The following CTNND2 variants were observed in gnomAD, a reference collection of about 807,000 sequenced individuals.
The protein encoded by CTNND2 is catenin delta-2.
In CTNND2, 22 loss-of-function variants were observed where a neutral mutation model predicts 144.4. The observed-to-expected ratio is 0.15, with a 90% CI of 0.11 to 0.22. CTNND2 has a LOEUF of 0.22. Ranked by LOEUF, CTNND2 falls within the 10% of genes least tolerant of loss-of-function variation. The pLI, the probability that CTNND2 is intolerant of heterozygous loss-of-function variation, is 1.00. For synonymous variants in CTNND2, 751 were observed against 695.6 expected, an observed-to-expected ratio of 1.08 and a Z score of -1.25; for missense variants, 1,353 against 1,618.8, an observed-to-expected ratio of 0.84 and a Z score of 2.82.
intron 21 of CTNND2, 22 bp downstream of exon 21, chr5:10,981,751 A>C: frequency 1.9e-6 from 3 of 1,598,044 alleles, no homozygotes; most frequent in Non-Finnish European, 2.6e-6. Flanking sequence ...AAGGAAATAC[A>C]AACGTGTTGC....
At chr5:11,690,551 G>A (rs1784851880) in intron 2 of CTNND2, among the ~76,000 whole-genome samples, 1 of 151,746 alleles carries the variant, frequency 6.6e-6, no homozygotes, top group South Asian at 2.1e-4. Context: ...GGCTAACAAG[G>A]TGAAACCCCG....
At chr5:11,334,161 G>T (rs1318847421) in intron 9 of CTNND2, among the ~76,000 whole-genome samples, 1 of 152,114 alleles carries the variant, frequency 6.6e-6, no homozygotes, top group African/African-American at 2.4e-5. Context: ...GAAGATAAAT[G>T]GCCAGGATTT....
intron 2 of CTNND2, among the ~76,000 whole-genome samples, chr5:11,590,109 G>T (rs545430126): frequency 4.7e-5 from 7 of 150,344 alleles, no homozygotes; most frequent in African/African-American, 1.5e-4. Flanking sequence ...GCAGTGACGC[G>T]ATCTAAGTGC....
intron 3 of CTNND2, among the ~76,000 whole-genome samples, chr5:11,561,773 G>C (rs1214293464): frequency 6.6e-6 from 1 of 152,164 alleles, no homozygotes; most frequent in African/African-American, 2.4e-5. Flanking sequence ...TGGGTACAGT[G>C]GCTCATGCCT....
chr5:11,656,622 C>A (rs752241787), intron 2 of CTNND2, among the ~76,000 whole-genome samples: 2 of 152,090 alleles, frequency 1.3e-5, no homozygotes, highest in African/African-American at 2.4e-5. Context: ...TACTGATCCA[C>A]GAACAGTGGA....
At chr5:11,544,396 A>G (rs80100563) in intron 3 of CTNND2, among the ~76,000 whole-genome samples, 1 of 152,338 alleles carries the variant, frequency 6.6e-6, no homozygotes, top group East Asian at 1.9e-4. Flanking sequence ...GAAGTAATTT[A>G]AAAGGTTAAG....
chr5:11,662,228 TATATGTATATATATAC>T (rs1467506975), intron 2 of CTNND2, among the ~76,000 whole-genome samples: 1 of 139,272 alleles, frequency 7.2e-6, no homozygotes, highest in African/African-American at 2.9e-5. Context: ...TATATGTGTA[TATATGTATATATATAC>T]ATATATGTGT....
chr5:11,632,858 G>A (rs1781485734), intron 2 of CTNND2, among the ~76,000 whole-genome samples: 1 of 152,144 alleles, frequency 6.6e-6, no homozygotes, highest in Non-Finnish European at 1.5e-5. Flanking sequence ...TAGCTGAGAT[G>A]AAGAGCTCAC....
At chr5:11,365,771 A>AT (rs1170839718) in intron 7 of CTNND2, among the ~76,000 whole-genome samples, 2 of 152,230 alleles carry the variant, frequency 1.3e-5, no homozygotes, top group African/African-American at 4.8e-5. Flanking sequence ...GAGGACGTTG[A>AT]TTGAGAGCCA....
intron 1 of CTNND2, among the ~76,000 whole-genome samples, chr5:11,777,020 A>T (rs1377480460): frequency 6.6e-6 from 1 of 150,916 alleles, no homozygotes; most frequent in Non-Finnish European, 1.5e-5. Context: ...TTGTTAAAAA[A>T]TACTCATGTT....
intron 3 of CTNND2, among the ~76,000 whole-genome samples, chr5:11,549,271 T>C (rs370447226): frequency 7.6e-4 from 115 of 152,292 alleles, no homozygotes; most frequent in African/African-American, 2.6e-3. Flanking sequence ...ATATTTGGCG[T>C]CTGTAACATT....
At chr5:11,692,528 T>C (rs532415359) in intron 2 of CTNND2, among the ~76,000 whole-genome samples, 1 of 152,360 alleles carries the variant, frequency 6.6e-6, no homozygotes, top group Admixed American at 6.5e-5. Flanking sequence ...GGATGTGGAA[T>C]AGCTCAAGAG....
chr5:11,278,997 T>G (rs542026268), intron 9 of CTNND2, among the ~76,000 whole-genome samples: 1 of 152,324 alleles, frequency 6.6e-6, no homozygotes, highest in South Asian at 2.1e-4. Flanking sequence ...CTCACGACTT[T>G]AAGTAGACTA....
intron 3 of CTNND2, among the ~76,000 whole-genome samples, chr5:11,541,024 A>C (rs1246060798): frequency 6.6e-6 from 1 of 152,314 alleles, no homozygotes; most frequent in East Asian, 1.9e-4. Flanking sequence ...TCAGACTGCA[A>C]AATACGACAC....
At chr5:10,978,614 T>C (rs998809480) in intron 21 of CTNND2, among the ~76,000 whole-genome samples, 4 of 152,222 alleles carry the variant, frequency 2.6e-5, no homozygotes, top group African/African-American at 9.6e-5. Context: ...ATGGTGGTCC[T>C]GAGCTATGAA....
rs542398227 is a variant in CTNND2, at chr5:11,520,104, G to A, written c.287+44840C>T. ...AGAGGTTGCAATGAGCCGAGATCAC[G>A]CCACTGCACTCTAGCCTGGGCAACA... is the stretch of plus-strand genomic sequence containing the variant. On this transcript the variant is annotated intron_variant, in intron 3 of 21. Coordinates refer to ENST00000304623, the MANE Select transcript of CTNND2 (RefSeq NM_001332.4). 4.6e-4 allele frequency among the ~76,000 whole-genome samples: 68 copies of A among 147,332 alleles called. 1 individual carries two copies. Among genetic ancestry groups the A allele is most frequent in the Middle Eastern group, 3.5e-3 (1 of 282 alleles).
chr5:11,397,745 C>T lies in CTNND2; in HGVS notation c.440-542G>A, dbSNP rs575060488. On this transcript the variant is annotated intron_variant, in intron 5 of 21. Coordinates refer to ENST00000304623, the MANE Select transcript of CTNND2 (RefSeq NM_001332.4). ...CTTTGTACGATGTGGAATTCACCGT[C>T]GCCTCACATAATCCCTGATGACTGG... is the stretch of plus-strand genomic sequence containing the variant. Among the ~76,000 whole-genome samples the T allele has an allele frequency of 7.9e-5, 12 of 152,264 alleles. No homozygotes were observed. In the East Asian group the frequency reaches 2.1e-3, roughly 27 times the overall value.
intron 3 of CTNND2, among the ~76,000 whole-genome samples, chr5:11,500,953 C>T (rs1461989933): frequency 6.6e-6 from 1 of 152,188 alleles, no homozygotes; most frequent in Non-Finnish European, 1.5e-5. Context: ...ATTAGCATGT[C>T]AGCTATAAAT....
chr5:11,645,901 C>T (rs551424234), intron 2 of CTNND2, among the ~76,000 whole-genome samples: 2 of 152,080 alleles, frequency 1.3e-5, no homozygotes, highest in South Asian at 4.2e-4. Flanking sequence ...ATAAACAGTA[C>T]ATTATTTATC....
Sources: gnomAD v4.1 joint callset for allele counts (sites outside exome capture counted in the v4.1 genomes callset) on GRCh38, gnomAD v4.1.1 for gene constraint, MANE v1.5 for transcripts, NCBI Gene and HGNC (gene_info 2026-07-23, HGNC 2026-07-21) for gene names.